SLC25A21: variants seen among roughly 807,000 people sequenced by gnomAD.
The protein encoded by SLC25A21 is mitochondrial 2-oxodicarboxylate carrier.
Under a neutral mutation model 43.8 loss-of-function variants are expected in SLC25A21, and 47 were observed. The observed-to-expected ratio is 1.07, with a 90% CI of 0.85 to 1.37. The LOEUF is 1.37. SLC25A21 is among the 40% of genes most tolerant of loss of function. SLC25A21 has a pLI of 0.00. For missense variants in SLC25A21, 352 were observed against 350.2 expected (o/e 1.00, Z -0.04); for synonymous variants, 131 against 121.3 (o/e 1.08, Z -0.52).
Position 37,132,181 on chromosome 14 carries a change from A to C in SLC25A21, c.70+40100T>G, listed in dbSNP as rs1963402689. Among the ~76,000 whole-genome samples the C allele has an allele frequency of 3.3e-5, 5 of 152,168 alleles. No individual in the cohort carries two copies. The South Asian group carries it at 1.0e-3, about 31-fold the overall frequency. On this transcript the variant is annotated intron_variant, in intron 1 of 9. Transcript: ENST00000331299. ...TTTTATCAGGAGCCCACTCTCACGC[A>C]AATGCCATTAATCCATTCATGAGGG... is the stretch of plus-strand genomic sequence containing the variant.
chr14:37,161,074 A>T (rs909294266), intron 1 of SLC25A21, among the ~76,000 whole-genome samples: 17 of 152,120 alleles, frequency 1.1e-4, no homozygotes, highest in African/African-American at 4.1e-4. Flanking sequence ...TATACTTAAA[A>T]TGTATTATAT....
intron 1 of SLC25A21, chr14:37,098,477 C>T (rs911003970): frequency 1.3e-5 from 2 of 152,164 alleles, no homozygotes; most frequent in African/African-American, 4.8e-5. Context: ...GGATATTTCA[C>T]CTCTCTGGGC....
chr14:36,814,720 G>T (rs529097565), intron 2 of SLC25A21, among the ~76,000 whole-genome samples: 4 of 152,194 alleles, frequency 2.6e-5, no homozygotes, highest in Non-Finnish European at 5.9e-5. Flanking sequence ...CACTGTTGGT[G>T]GGAGTGTAAA....
At chr14:36,901,619 T>C (rs990056710) in intron 1 of SLC25A21, among the ~76,000 whole-genome samples, 5 of 152,174 alleles carry the variant, frequency 3.3e-5, no homozygotes, top group African/African-American at 4.8e-5. Flanking sequence ...AATATTATTT[T>C]TTATTTTGGT....
chr14:37,028,457 A>C (rs1055003928), intron 1 of SLC25A21, among the ~76,000 whole-genome samples: 1 of 152,132 alleles, frequency 6.6e-6, no homozygotes, highest in African/African-American at 2.4e-5. Flanking sequence ...ATAACAAAGG[A>C]CAAATCAATG....
chr14:36,733,791 C>T (rs557123738), intron 4 of SLC25A21, among the ~76,000 whole-genome samples: 3 of 152,176 alleles, frequency 2.0e-5, no homozygotes, highest in East Asian at 3.9e-4. Context: ...CTGTCAGAGT[C>T]GCTATGATCA....
intron 1 of SLC25A21, among the ~76,000 whole-genome samples, chr14:37,170,959 G>A (rs923012176): frequency 3.3e-5 from 5 of 150,858 alleles, no homozygotes; most frequent in African/African-American, 1.2e-4. Flanking sequence ...GCATGGTGAT[G>A]CGCATCGGTA....
chr14:36,866,794 A>G (rs1890225854), intron 2 of SLC25A21, among the ~76,000 whole-genome samples: 1 of 152,212 alleles, frequency 6.6e-6, no homozygotes, highest in Admixed American at 6.5e-5. Context: ...ATGTGCTCTA[A>G]GTGTAAAATA....
intron 3 of SLC25A21, among the ~76,000 whole-genome samples, chr14:36,776,646 CT>C (rs534770051): frequency 1.5e-3 from 235 of 152,220 alleles, no homozygotes; most frequent in African/African-American, 5.5e-3. Flanking sequence ...AACACAGTGA[CT>C]TTTGACAATC....
At chr14:36,928,480 C>T (rs1457265890) in intron 1 of SLC25A21, among the ~76,000 whole-genome samples, 1 of 151,960 alleles carries the variant, frequency 6.6e-6, no homozygotes, top group East Asian at 1.9e-4. Context: ...CTTTTCTAAA[C>T]TTAACCACGG....
At chr14:36,692,827 C>T (rs1882847337) in intron 7 of SLC25A21, among the ~76,000 whole-genome samples, 1 of 152,244 alleles carries the variant, frequency 6.6e-6, no homozygotes, top group Admixed American at 6.5e-5. Context: ...ATCTTGGAAT[C>T]TTCCCACCTC....
intron 3 of SLC25A21, among the ~76,000 whole-genome samples, chr14:36,805,416 G>C (rs943605541): frequency 6.6e-6 from 1 of 152,120 alleles, no homozygotes; most frequent in African/African-American, 2.4e-5. Context: ...CTCTGATTTA[G>C]AAAAGGAAAC....
chr14:37,110,381 G>A (rs1037001555), intron 1 of SLC25A21, among the ~76,000 whole-genome samples: 1 of 152,148 alleles, frequency 6.6e-6, no homozygotes, highest in African/African-American at 2.4e-5. Flanking sequence ...ATGGAGAACA[G>A]GTGAGTATCA....
At chr14:37,121,219 A>G (rs1332951635) in intron 1 of SLC25A21, among the ~76,000 whole-genome samples, 2 of 152,134 alleles carry the variant, frequency 1.3e-5, no homozygotes, top group Non-Finnish European at 2.9e-5. Context: ...TTAGTCCAGA[A>G]TTTTCATGCT....
intron 2 of SLC25A21, among the ~76,000 whole-genome samples, chr14:36,862,624 G>C (rs1159810124): frequency 7.0e-6 from 1 of 143,170 alleles, no homozygotes; most frequent in Non-Finnish European, 1.6e-5. Flanking sequence ...TGTGGGGCTA[G>C]GGGAGGAATA....
chr14:36,860,354 A>G (rs1426595346), intron 2 of SLC25A21, among the ~76,000 whole-genome samples: 1 of 152,200 alleles, frequency 6.6e-6, no homozygotes, highest in Non-Finnish European at 1.5e-5. Flanking sequence ...TGGAAACAGA[A>G]TATCAGATTA....
intron 1 of SLC25A21, among the ~76,000 whole-genome samples, chr14:37,072,756 A>G (rs1189948743): frequency 2.0e-5 from 3 of 152,236 alleles, no homozygotes; most frequent in Non-Finnish European, 2.9e-5. Context: ...TAAAAACAAA[A>G]AAGAAAAAAA....
At chr14:36,778,207 G>C (rs1886907133) in intron 3 of SLC25A21, among the ~76,000 whole-genome samples, 1 of 152,178 alleles carries the variant, frequency 6.6e-6, no homozygotes, top group South Asian at 2.1e-4. Context: ...AAGGCATTTT[G>C]ACTTCATCTC....
chr14:36,957,569 C>A (rs940376482), intron 1 of SLC25A21, among the ~76,000 whole-genome samples: 1 of 152,214 alleles, frequency 6.6e-6, no homozygotes, highest in Non-Finnish European at 1.5e-5. Context: ...TCTCCTCAGA[C>A]AAGCACCAAG....
Sources: gnomAD v4.1 joint callset for allele counts (sites outside exome capture counted in the v4.1 genomes callset) on GRCh38, gnomAD v4.1.1 for gene constraint, MANE v1.5 for transcripts, NCBI Gene and HGNC (gene_info 2026-07-23, HGNC 2026-07-21) for gene names.